The following ATOSA variants were observed in gnomAD, a reference collection of about 807,000 sequenced individuals.
ATOSA encodes atos homolog A.
chr15:52,684,350 C>G, the ATOSA span, among the ~76,000 whole-genome samples: 1 of 152,164 alleles, frequency 6.6e-6, no homozygotes, highest in Non-Finnish European at 1.5e-5. Flanking sequence ...TCCCGGGCAA[C>G]ATAGGGAGAC....
chr15:52,635,868 C>T, the ATOSA span, among the ~76,000 whole-genome samples: 133,487 of 151,248 alleles, frequency 0.88, 59,033 homozygotes, highest in East Asian at 1. Context: ...CGGTGGCAGG[C>T]GCCTGTAATC....
the ATOSA span, among the ~76,000 whole-genome samples, chr15:52,679,784 TCC>T: frequency 2.3e-5 from 1 of 44,082 alleles, no homozygotes; most frequent in Non-Finnish European, 4.4e-5. Flanking sequence ...CTCCTCCTCC[TCC>T]TCCTCCTCCC....
chr15:52,590,528 T>G, the ATOSA span: 1 of 152,218 alleles, frequency 6.6e-6, no homozygotes, highest in African/African-American at 2.4e-5. Flanking sequence ...CCCTTGTGAG[T>G]CATTTGTATA....
chr15:52,649,795 C>A, the ATOSA span: 2 of 152,134 alleles, frequency 1.3e-5, no homozygotes, highest in Non-Finnish European at 2.9e-5. Context: ...TGAAGTTCTG[C>A]TACTGAATAG....
the ATOSA span, among the ~76,000 whole-genome samples, chr15:52,596,721 G>C: frequency 6.6e-6 from 1 of 152,140 alleles, no homozygotes; most frequent in African/African-American, 2.4e-5. Flanking sequence ...CCCTTCAGAA[G>C]AATTATCTAA....
the ATOSA span, chr15:52,609,985 T>C: frequency 6.8e-6 from 11 of 1,613,530 alleles, no homozygotes; most frequent in East Asian, 2.0e-4. Context: ...AGATGTCCCA[T>C]GGTCAGATTT....
chr15:52,587,791 G>C, the ATOSA span: 1 of 152,196 alleles, frequency 6.6e-6, no homozygotes, highest in South Asian at 2.1e-4. Flanking sequence ...AAAAATGAAA[G>C]TTAAATCAGT....
chr15:52,591,160 T>A, the ATOSA span, among the ~76,000 whole-genome samples: 1 of 152,210 alleles, frequency 6.6e-6, no homozygotes, highest in Admixed American at 6.5e-5. Context: ...GCCAGTTTAC[T>A]CTTTTATCTT....
chr15:52,646,533 G>A, the ATOSA span, among the ~76,000 whole-genome samples: 3 of 152,116 alleles, frequency 2.0e-5, no homozygotes, highest in Non-Finnish European at 4.4e-5. Context: ...CATCTAGAAC[G>A]TAGGAGTCCA....
At chr15:52,581,410 T>C in the ATOSA span, 1 of 152,202 alleles carries the variant, frequency 6.6e-6, no homozygotes. Flanking sequence ...TTATCTAGCA[T>C]ACGACAGTAA....
chr15:52,606,575 A>C, the ATOSA span, among the ~76,000 whole-genome samples: 1 of 152,186 alleles, frequency 6.6e-6, no homozygotes, highest in Non-Finnish European at 1.5e-5. Context: ...TGTTTATTAC[A>C]TTTAAAACAG....
chr15:52,599,264 G>A, the ATOSA span, among the ~76,000 whole-genome samples: 6 of 152,102 alleles, frequency 3.9e-5, no homozygotes, highest in Admixed American at 3.9e-4. Flanking sequence ...TGAGCCACCC[G>A]ACCCTAACAA....
chr15:52,707,723 G>A, the ATOSA span, among the ~76,000 whole-genome samples: 11 of 151,962 alleles, frequency 7.2e-5, no homozygotes, highest in Admixed American at 2.0e-4. Context: ...TACACTGAAG[G>A]AACATGATAT....
the ATOSA span, among the ~76,000 whole-genome samples, chr15:52,702,894 A>G: frequency 6.6e-6 from 1 of 152,096 alleles, no homozygotes; most frequent in African/African-American, 2.4e-5. Context: ...ATAATAAGCC[A>G]TTCTGTCAGA....
At chr15:52,643,219 G>A in the ATOSA span, among the ~76,000 whole-genome samples, 1 of 152,142 alleles carries the variant, frequency 6.6e-6, no homozygotes, top group African/African-American at 2.4e-5. Flanking sequence ...CTCTTAACAT[G>A]CTTTCTGCTT....
At chr15:52,613,622 C>A in the ATOSA span, 1 of 1,479,764 alleles carries the variant, frequency 6.8e-7, no homozygotes, top group Non-Finnish European at 9.3e-7. Context: ...TGATGATGAA[C>A]ATAAACTAGT....
At chr15:52,611,750 C>G in the ATOSA span, 1 of 1,614,024 alleles carries the variant, frequency 6.2e-7, no homozygotes, top group Non-Finnish European at 8.5e-7. Context: ...AATGTGACCT[C>G]AGACCTAGTT....
At chr15:52,624,534 C>T in the ATOSA span, among the ~76,000 whole-genome samples, 1 of 152,194 alleles carries the variant, frequency 6.6e-6, no homozygotes, top group African/African-American at 2.4e-5. Flanking sequence ...TTCTCCAAAA[C>T]TTAGGGCATT....
chr15:52,663,554 G>T, the ATOSA span, among the ~76,000 whole-genome samples: 1 of 152,120 alleles, frequency 6.6e-6, no homozygotes, highest in Non-Finnish European at 1.5e-5. Flanking sequence ...TTACCTAATT[G>T]TTGCAAGATA....
Sources: gnomAD v4.1 joint callset for allele counts (sites outside exome capture counted in the v4.1 genomes callset) on GRCh38, gnomAD v4.1.1 for gene constraint, MANE v1.5 for transcripts, NCBI Gene and HGNC (gene_info 2026-07-23, HGNC 2026-07-21) for gene names.